DLG2: variants seen among roughly 807,000 people sequenced by gnomAD.
The protein encoded by DLG2 is discs large MAGUK scaffold protein 2.
DLG2 carries 45 observed loss-of-function variants against 132.5 expected under a neutral mutation model. The observed-to-expected ratio is 0.34, with a 90% CI of 0.27 to 0.44. The LOEUF (loss-of-function observed/expected upper bound fraction) is 0.44. DLG2 is among the 20% of genes least tolerant of loss of function. The pLI is 1.00. For missense variants in DLG2, 1,045 were observed against 1,196.9 expected (o/e 0.87, Z 1.87); for synonymous variants, 424 against 419.6 (o/e 1.01, Z -0.13).
intron 5 of DLG2, among the ~76,000 whole-genome samples, chr11:85,120,952 G>T (rs1184945695): frequency 6.6e-6 from 1 of 152,010 alleles, no homozygotes; most frequent in Non-Finnish European, 1.5e-5. Context: ...TTTTAACTCA[G>T]ATCTTAACCA....
At chr11:83,830,096 A>T (rs549169191) in intron 17 of DLG2, among the ~76,000 whole-genome samples, 13 of 152,234 alleles carry the variant, frequency 8.5e-5, no homozygotes, top group African/African-American at 3.1e-4. Context: ...TGATATACTA[A>T]GGAAAAATGT....
chr11:83,569,130 T>C (rs2096756677), intron 19 of DLG2, among the ~76,000 whole-genome samples: 1 of 152,202 alleles, frequency 6.6e-6, no homozygotes, highest in Non-Finnish European at 1.5e-5. Context: ...TCCTGAAATA[T>C]CATTAATAAA....
chr11:84,853,654 G>A (rs1431314835), intron 6 of DLG2, among the ~76,000 whole-genome samples: 2 of 151,964 alleles, frequency 1.3e-5, no homozygotes, highest in Non-Finnish European at 2.9e-5. Context: ...GCTTTCCTCT[G>A]CCACATGACA....
intron 3 of DLG2, among the ~76,000 whole-genome samples, chr11:85,342,294 A>AT (rs1314064475): frequency 1.3e-5 from 2 of 151,784 alleles, no homozygotes; most frequent in Non-Finnish European, 2.9e-5. Context: ...GTTTGTTAAG[A>AT]TTTTTTCTAC....
intron 10 of DLG2, among the ~76,000 whole-genome samples, chr11:84,088,693 T>C (rs960242295): frequency 1.3e-5 from 2 of 152,172 alleles, no homozygotes; most frequent in Non-Finnish European, 2.9e-5. Flanking sequence ...TTAGGGCTGA[T>C]ATTATGGACA....
intron 7 of DLG2, among the ~76,000 whole-genome samples, chr11:84,464,115 C>T (rs906436437): frequency 6.6e-6 from 1 of 151,086 alleles, no homozygotes; most frequent in Non-Finnish European, 1.5e-5. Context: ...CTAAATTGAC[C>T]GATTCGACAG....
At chr11:83,967,823 T>G (rs896795108) in intron 12 of DLG2, among the ~76,000 whole-genome samples, 1 of 152,172 alleles carries the variant, frequency 6.6e-6, no homozygotes, top group African/African-American at 2.4e-5. Context: ...TTTTCCCCTA[T>G]GTTCTTTTCT....
At chr11:84,407,684 G>C (rs2098863277) in intron 7 of DLG2, among the ~76,000 whole-genome samples, 1 of 152,096 alleles carries the variant, frequency 6.6e-6, no homozygotes. Flanking sequence ...ATAGCATTTG[G>C]ATACATGGGA....
intron 6 of DLG2, among the ~76,000 whole-genome samples, chr11:85,065,017 A>G (rs2064700718): frequency 6.6e-6 from 1 of 151,660 alleles, no homozygotes; most frequent in Admixed American, 6.6e-5. Flanking sequence ...TATCTGTGGT[A>G]TAAAAATTTC....
At chr11:84,416,140 C>T (rs2098928807) in intron 7 of DLG2, among the ~76,000 whole-genome samples, 1 of 152,118 alleles carries the variant, frequency 6.6e-6, no homozygotes, top group Non-Finnish European at 1.5e-5. Context: ...ATACCAATAT[C>T]CTTTCATGAC....
chr11:84,509,257 T>C (rs1359314146), intron 7 of DLG2, among the ~76,000 whole-genome samples: 1 of 152,228 alleles, frequency 6.6e-6, no homozygotes, highest in African/African-American at 2.4e-5. Context: ...AGAAAACCTG[T>C]GACCTTGTCC....
intron 3 of DLG2, among the ~76,000 whole-genome samples, chr11:85,311,664 C>A (rs2080322949): frequency 6.6e-6 from 1 of 152,038 alleles, no homozygotes; most frequent in Admixed American, 6.6e-5. Context: ...TTATAGATAA[C>A]TTTTATCTCT....
At chr11:85,371,481 G>T (rs892546481) in intron 3 of DLG2, among the ~76,000 whole-genome samples, 2 of 152,194 alleles carry the variant, frequency 1.3e-5, no homozygotes, top group Non-Finnish European at 2.9e-5. Flanking sequence ...ATGTGCATCA[G>T]TGCAATAAGA....
chr11:84,377,994 C>A (rs1567464226), intron 7 of DLG2, among the ~76,000 whole-genome samples: 1 of 152,120 alleles, frequency 6.6e-6, no homozygotes, highest in Non-Finnish European at 1.5e-5. Context: ...GAGCTGAAAG[C>A]CCAAATCCTC....
intron 6 of DLG2, among the ~76,000 whole-genome samples, chr11:85,077,013 C>T (rs1339423708): frequency 1.3e-5 from 2 of 151,978 alleles, no homozygotes; most frequent in Admixed American, 1.3e-4. Flanking sequence ...ATAAGCACCT[C>T]AGTTATTGAA....
chr11:85,359,822 G>A (rs1173455346), intron 3 of DLG2, among the ~76,000 whole-genome samples: 1 of 151,958 alleles, frequency 6.6e-6, no homozygotes, highest in Non-Finnish European at 1.5e-5. Context: ...ATACATTATA[G>A]CACAAAAAAA....
chr11:83,539,463 C>A (rs115920866), intron 20 of DLG2, among the ~76,000 whole-genome samples: 2,625 of 152,056 alleles, frequency 0.017, 97 homozygotes, highest in African/African-American at 0.061. Context: ...AAAATAAGTA[C>A]ATGGGTACTC....
chr11:85,182,753 A>C (rs987355873), intron 4 of DLG2, among the ~76,000 whole-genome samples: 2 of 151,340 alleles, frequency 1.3e-5, no homozygotes, highest in Admixed American at 1.3e-4. Context: ...AACATTTAGG[A>C]AATTACTAGC....
At chr11:85,609,439 G>T (rs2153266442) in intron 2 of DLG2, among the ~76,000 whole-genome samples, 1 of 152,270 alleles carries the variant, frequency 6.6e-6, no homozygotes, top group East Asian at 1.9e-4. Flanking sequence ...CTTAGTCATG[G>T]CCCTCAGACA....
Sources: gnomAD v4.1 joint callset for allele counts (sites outside exome capture counted in the v4.1 genomes callset) on GRCh38, gnomAD v4.1.1 for gene constraint, MANE v1.5 for transcripts, NCBI Gene and HGNC (gene_info 2026-07-23, HGNC 2026-07-21) for gene names.